TDO2: variants seen among roughly 807,000 people sequenced by gnomAD.
TDO2 encodes the protein tryptamin 2,3-dioxygenase.
In TDO2, 63 loss-of-function variants were observed where a neutral mutation model predicts 61.2. The ratio of observed to expected loss-of-function variants is 1.03; its 90% confidence interval spans 0.84 to 1.27. The LOEUF (loss-of-function observed/expected upper bound fraction) is 1.27, where lower values mean the gene tolerates loss of function less well. Ranked by LOEUF, TDO2 falls within the 50% of genes most tolerant of loss-of-function variation. TDO2 has a pLI of 0.00. For synonymous variants in TDO2, 183 were observed against 164.0 expected (o/e 1.12, Z -0.89); for missense variants, 494 against 469.5 (o/e 1.05, Z -0.48).
intron 7 of TDO2, 113 bp from the exon 8 acceptor site, chr4:155,914,210 T>C (rs1742889194): frequency 2.8e-6 from 2 of 707,772 alleles, no homozygotes; most frequent in Non-Finnish European, 4.6e-6. Flanking sequence ...ACAGTAAATA[T>C]TAAAAGTACA....
At chr4:155,915,796 A>G (rs565434417) in intron 8 of TDO2, 59 bp from the exon 9 acceptor site, 7 of 1,461,894 alleles carry the variant, frequency 4.8e-6, no homozygotes, top group African/African-American at 4.3e-5. Flanking sequence ...ACGATGCCAA[A>G]TTAATACAAA....
rs1422846628 is a variant in TDO2 at position 155,915,864 on chromosome 4, G to A, written c.848G>A (p.Arg283Gln). The change falls in exon 9 of 12, where the codon CGG (arginine) becomes CAG (glutamine). Residue 283 changes from arginine (R) to glutamine (Q), a missense_variant. Transcript: ENST00000536354. ...HEHLLSKGERRLSYRALQGAL... is the reference protein window; with the variant it reads ...HEHLLSKGERQLSYRALQGAL... ...AGTATGTATTTTGCAGGTGAAAGAC[G>A]GCTGTCATACAGAGCACTTCAGGGA... 1.9e-6 allele frequency: 3 copies of A among 1,608,352 alleles called. No individual in the cohort carries two copies. The highest frequency in any genetic ancestry group is 2.5e-6 in the Non-Finnish European group (3 of 1,178,274).
chr4:155,916,324 C>A (rs1298919181), intron 9 of TDO2, among the ~76,000 whole-genome samples: 1 of 141,812 alleles, frequency 7.1e-6, no homozygotes, highest in Non-Finnish European at 1.5e-5. Context: ...CCCACCACCA[C>A]GCCAGGCTAA....
intron 11 of TDO2, 141 bp downstream of exon 11, chr4:155,918,380 C>G: frequency 7.5e-6 from 5 of 670,688 alleles, no homozygotes; most frequent in Non-Finnish European, 1.3e-5. Context: ...TAGAATATTC[C>G]AGTTCAGACT....
intron 2 of TDO2, among the ~76,000 whole-genome samples, chr4:155,904,676 T>C (rs1211556446): frequency 2.0e-5 from 3 of 152,172 alleles, no homozygotes; most frequent in Non-Finnish European, 2.9e-5. Flanking sequence ...CATCGGTGAG[T>C]TTCTAAGGAT....
Position 155,918,167 on chromosome 4 carries a change from T to C in TDO2, c.995T>C (p.Val332Ala). 1 of 1,614,090 alleles carries C rather than the reference T, an allele frequency of 6.2e-7. No individual in the cohort carries two copies. Among genetic ancestry groups the C allele is most frequent in the Non-Finnish European group, 8.5e-7 (1 of 1,179,946 alleles). ...TGCCTAGATAACCATGTGTGCATGG[T>C]GCACAGAATGCTGGGCAGCAAAGCT... Reference protein sequence around the residue: ...TKWRYNHVCMVHRMLGSKAGT... With the variant: ...TKWRYNHVCMAHRMLGSKAGT... Residue 332 changes from valine to alanine, a missense_variant, in exon 11 of 12, where the codon GTG becomes GCG. Coordinates refer to ENST00000536354, the MANE Select transcript of TDO2 (RefSeq NM_005651.4).
At chr4:155,912,826 A>G (rs936261877) in intron 7 of TDO2, among the ~76,000 whole-genome samples, 1 of 152,066 alleles carries the variant, frequency 6.6e-6, no homozygotes, top group Non-Finnish European at 1.5e-5. Context: ...GGTCCTCTCA[A>G]AAACACACCA....
In TDO2 at chr4:155,905,139, T is replaced by C. The variant is rs1190836350; in HGVS notation, c.214T>C (p.Phe72Leu). The change falls in exon 3 of 12, where the codon TTT becomes CTT. Residue 72 changes from phenylalanine to leucine, a missense_variant. Transcript: ENST00000536354. Reference sequence around the variant, plus strand: ...AAATAAAATCCATGATGAACATCTTTTTATCATAACTCATCAAGGTAAGTT... The same window carrying C: ...AAATAAAATCCATGATGAACATCTTCTTATCATAACTCATCAAGGTAAGTT... ...KGNKIHDEHL[F>L]IITHQAYELW... 1 of 1,596,040 alleles carries C rather than the reference T, an allele frequency of 6.3e-7. No homozygotes were observed. The highest frequency in any genetic ancestry group is 1.4e-5 in the African/African-American group (1 of 74,012).
chr4:155,916,035 C>T (rs1053390638), intron 9 of TDO2, 123 bp downstream of exon 9: 23 of 793,472 alleles, frequency 2.9e-5, no homozygotes, highest in Non-Finnish European at 4.1e-5. Flanking sequence ...TTGTAGAAAA[C>T]TTGGAAGATA....
intron 11 of TDO2, among the ~76,000 whole-genome samples, chr4:155,919,507 A>G (rs1198873757): frequency 6.6e-6 from 1 of 152,166 alleles, no homozygotes; most frequent in African/African-American, 2.4e-5. Context: ...ATTACCTTGC[A>G]TAGCATCCTT....
At chr4:155,907,295 C>T (rs1441532226) in intron 3 of TDO2, 1 of 154,402 alleles carries the variant, frequency 6.5e-6, no homozygotes, top group Non-Finnish European at 1.4e-5. Flanking sequence ...TTTGTATTTT[C>T]AAGTTCTTAA....
intron 11 of TDO2, 25 bp downstream of exon 11, chr4:155,918,264 T>G (rs1265110911): frequency 6.2e-7 from 1 of 1,609,078 alleles, no homozygotes; most frequent in Non-Finnish European, 8.5e-7. Context: ...TCTCCTTTCT[T>G]CCTGGTGGCA....
Position 155,917,596 on chromosome 4 carries a change from C to G in TDO2, c.976+122C>G, listed in dbSNP as rs1462349923. ...TTTCCCCCTCCTTTGTGTGTGGGTG[C>G]ATTCTTTTATACAAATCAGCTTGGC... On this transcript the variant is annotated intron_variant, in intron 10 of 11. Transcript: ENST00000536354. 6.6e-6 allele frequency: 5 copies of G among 755,086 alleles called. No homozygotes were observed. In the African/African-American group the frequency reaches 8.9e-5, roughly 13 times the overall value. The allele number at this position is 755,086 out of a possible 1,614,324, so 46.8% of individuals were successfully genotyped here.
At chr4:155,903,841 C>T (rs777862065) in intron 1 of TDO2, 48 bp downstream of exon 1, 9 of 1,597,262 alleles carry the variant, frequency 5.6e-6, no homozygotes, top group Non-Finnish European at 6.9e-6. Flanking sequence ...TTAGAAGTAT[C>T]AGGTGTGAGC....
chr4:155,907,116 T>G (rs193191050), intron 3 of TDO2: 2 of 152,306 alleles, frequency 1.3e-5, no homozygotes, highest in East Asian at 1.9e-4. Flanking sequence ...GTGAACTCAA[T>G]TGCCACAAAG....
Position 155,907,367 on chromosome 4 carries a change from A to G in TDO2, c.233-355A>G, listed in dbSNP as rs529445500. The stretch of plus-strand genomic sequence containing the variant: ...ATTTCTCAGTGTGTAGATGAAGTTG[A>G]TTATCACTTCTGCTTCCCCACATAC... On this transcript the variant is annotated intron_variant, in intron 3 of 11. Coordinates refer to ENST00000536354, the MANE Select transcript of TDO2 (RefSeq NM_005651.4). The G allele has an allele frequency of 2.2e-5, 4 of 181,272 alleles. No individual in the cohort carries two copies. In the South Asian group the frequency reaches 5.8e-4, roughly 26 times the overall value. The allele number at this position is 181,272 out of a possible 1,614,324, so 11.2% of individuals were successfully genotyped here.
At chr4:155,914,880 A>G (rs192983049) in intron 8 of TDO2, among the ~76,000 whole-genome samples, 64 of 152,282 alleles carry the variant, frequency 4.2e-4, no homozygotes, top group South Asian at 2.1e-3. Context: ...TTATGATCTC[A>G]TATTCATGTG....
At chr4:155,914,692 A>G (rs1262407058) in intron 8 of TDO2, among the ~76,000 whole-genome samples, 1 of 152,170 alleles carries the variant, frequency 6.6e-6, no homozygotes, top group Non-Finnish European at 1.5e-5. Context: ...TGAATTGCAT[A>G]TAGTTTCTCA....
intron 2 of TDO2, 32 bp downstream of exon 2, chr4:155,904,155 T>C (rs1399366780): frequency 1.3e-6 from 2 of 1,523,556 alleles, no homozygotes; most frequent in Non-Finnish European, 1.8e-6. Flanking sequence ...GGGTTTGGTG[T>C]CCATTGTTAG....
Sources: gnomAD v4.1 joint callset for allele counts (sites outside exome capture counted in the v4.1 genomes callset) on GRCh38, gnomAD v4.1.1 for gene constraint, MANE v1.5 for transcripts, NCBI Gene and HGNC (gene_info 2026-07-23, HGNC 2026-07-21) for gene names.